Variants in ATP10D observed in about 807,000 individuals in gnomAD.
The protein encoded by ATP10D is phospholipid-transporting ATPase VD.
Under a neutral mutation model 144.8 loss-of-function variants are expected in ATP10D, and 89 were observed. That is an observed-to-expected ratio of 0.61 (90% CI 0.52 to 0.73). The LOEUF is 0.73. Ranked by LOEUF, ATP10D falls within the 30% of genes least tolerant of loss-of-function variation. ATP10D has a pLI of 0.00. For synonymous variants in ATP10D, 571 were observed against 615.1 expected, an observed-to-expected ratio of 0.93 and a Z score of 1.06; for missense variants, 1,603 against 1,714.8, an observed-to-expected ratio of 0.93 and a Z score of 1.15.
intron 15 of ATP10D, among the ~76,000 whole-genome samples, chr4:47,567,260 A>G (rs1244133164): frequency 6.6e-6 from 1 of 152,250 alleles, no homozygotes; most frequent in Non-Finnish European, 1.5e-5. Flanking sequence ...GAATCCACAG[A>G]TAATGAAGAT....
intron 1 of ATP10D, among the ~76,000 whole-genome samples, chr4:47,490,603 A>G (rs1715017646): frequency 6.6e-6 from 1 of 152,212 alleles, no homozygotes; most frequent in Admixed American, 6.5e-5. Flanking sequence ...GGATGGGTTG[A>G]TGATAGGAAT....
intron 12 of ATP10D, 29 bp from the exon 13 acceptor site, chr4:47,558,894 G>A (rs201265155): frequency 1.3e-6 from 2 of 1,539,092 alleles, no homozygotes; most frequent in Admixed American, 1.7e-5. Flanking sequence ...AGACTGGTAG[G>A]AACTCAAGCA....
At position 47,546,838 on chromosome 4, in the gene ATP10D, A is replaced by G; in HGVS notation, c.1611A>G (p.Arg537=). The change falls in exon 10 of 23, where the codon AGA becomes AGG. Residue 537 remains arginine, a synonymous_variant. Transcript: ENST00000273859. ...GEGASEVPHS[R]QAAFSSPIET... ...GAGCCAGTGAAGTGCCTCATTCCAG[A>G]CAGGCTGCTTTCAGTAGCCCCATTG... 6.2e-7 allele frequency: 1 copy of G among 1,612,968 alleles called. No individual in the cohort carries two copies. Among genetic ancestry groups the G allele is most frequent in the Non-Finnish European group, 8.5e-7 (1 of 1,179,916 alleles).
rs1282955975 is a variant in ATP10D at position 47,523,094 on chromosome 4, C to T, written c.568C>T (p.Pro190Ser). 6.2e-7 allele frequency: 1 copy of T among 1,613,602 alleles called. No individual in the cohort carries two copies. Among genetic ancestry groups the T allele is most frequent in the Non-Finnish European group, 8.5e-7 (1 of 1,179,826 alleles). Residue 190 changes from proline (P) to serine (S), a missense_variant, in exon 4 of 23, where the codon CCT (proline) becomes TCT (serine). Transcript: ENST00000273859. Reference sequence around the variant, plus strand: ...TCGCCTCTCCTGCAACGAGGTCATCCCTGCAGACATGGTACTACTCTTTTC... The same window carrying T: ...TCGCCTCTCCTGCAACGAGGTCATCTCTGCAGACATGGTACTACTCTTTTC... ...FIRLSCNEVI[P>S]ADMVLLFSTD...
At chr4:47,528,988 A>G (rs1659199931) in intron 5 of ATP10D, among the ~76,000 whole-genome samples, 1 of 151,626 alleles carries the variant, frequency 6.6e-6, no homozygotes, top group Non-Finnish European at 1.5e-5. Flanking sequence ...TCTTTTGTCT[A>G]CTGTTTTGTA....
At chr4:47,549,473 C>G (rs909825926) in intron 10 of ATP10D, among the ~76,000 whole-genome samples, 3 of 152,216 alleles carry the variant, frequency 2.0e-5, no homozygotes, top group Non-Finnish European at 4.4e-5. Context: ...ATGCACTCCT[C>G]TTACCTTCAG....
chr4:47,558,216 G>T lies in ATP10D; in HGVS notation c.2377G>T (p.Val793Leu), dbSNP rs149814216. Residue 793 changes from valine to leucine, a missense_variant, in exon 12 of 23, where the codon GTG becomes TTG. Coordinates refer to ENST00000273859, the MANE Select transcript of ATP10D (RefSeq NM_020453.4). Reference protein sequence around the residue: ...VRHPLSNQVVVYTKGADSVIM... With the variant: ...VRHPLSNQVVLYTKGADSVIM... The stretch of plus-strand genomic sequence containing the variant: ...ACACCCTCTTTCCAATCAAGTTGTG[G>T]TGTATACGAAAGGCGCTGATTCTGT... 11 of 1,614,092 alleles carry T rather than the reference G, an allele frequency of 6.8e-6. No homozygotes were observed. The African/African-American group carries it at 1.5e-4, about 22-fold the overall frequency.
chr4:47,532,567 T>C (rs1156977539), intron 5 of ATP10D, among the ~76,000 whole-genome samples: 4 of 152,186 alleles, frequency 2.6e-5, no homozygotes, highest in African/African-American at 7.2e-5. Flanking sequence ...TCAGCCTAGG[T>C]AGATACAGTG....
chr4:47,525,855 C>G (rs1717218954), intron 5 of ATP10D, among the ~76,000 whole-genome samples: 1 of 152,222 alleles, frequency 6.6e-6, no homozygotes, highest in African/African-American at 2.4e-5. Context: ...CTGGAGGTAT[C>G]TTGTGGCATC....
In ATP10D at chr4:47,523,132, T is replaced by C. The variant is rs1314942756; in HGVS notation, c.606T>C (p.Asp202=). The change falls in exon 4 of 23, where the codon GAT becomes GAC. Residue 202 remains aspartate, a synonymous_variant. Coordinates refer to ENST00000273859, the MANE Select transcript of ATP10D (RefSeq NM_020453.4). ...TACTACTCTTTTCCACTGATCCAGATGGAATCTGTCACATTGAGACTTCTG... is the reference window on the plus strand; with the variant it reads ...TACTACTCTTTTCCACTGATCCAGACGGAATCTGTCACATTGAGACTTCTG... ...DMVLLFSTDP[D]GICHIETSGL... 6.2e-7 allele frequency: 1 copy of C among 1,614,110 alleles called. No homozygotes were observed. Among genetic ancestry groups the C allele is most frequent in the Non-Finnish European group, 8.5e-7 (1 of 1,180,022 alleles).
chr4:47,574,169 C>G (rs1432030673), intron 18 of ATP10D, among the ~76,000 whole-genome samples: 3 of 152,130 alleles, frequency 2.0e-5, no homozygotes, highest in Non-Finnish European at 4.4e-5. Flanking sequence ...TGGCAATATC[C>G]ATTCACCTCC....
At chr4:47,486,587 T>C (rs1403562534) in intron 1 of ATP10D, among the ~76,000 whole-genome samples, 2 of 152,158 alleles carry the variant, frequency 1.3e-5, no homozygotes, top group Non-Finnish European at 2.9e-5. Flanking sequence ...TGCAACGGAG[T>C]AGTTTGTTCA....
chr4:47,511,748 T>A (rs758133214), intron 1 of ATP10D, among the ~76,000 whole-genome samples: 10 of 152,222 alleles, frequency 6.6e-5, no homozygotes, highest in Non-Finnish European at 7.3e-5. Context: ...AATTTGTGCC[T>A]TCTGGGCACA....
chr4:47,503,564 C>T (rs1280454153), intron 1 of ATP10D, among the ~76,000 whole-genome samples: 2 of 152,126 alleles, frequency 1.3e-5, no homozygotes, highest in East Asian at 1.9e-4. Context: ...ACTTATATAG[C>T]GCTTCCTCCC....
chr4:47,572,752 G>A, intron 17 of ATP10D, 120 bp from the exon 18 acceptor site: 1 of 1,297,204 alleles, frequency 7.7e-7, no homozygotes, highest in Non-Finnish European at 1.1e-6. Context: ...TTCATGTATG[G>A]AACAAATGCG....
At chr4:47,583,682 T>C (rs1720641520) in intron 21 of ATP10D, among the ~76,000 whole-genome samples, 1 of 152,204 alleles carries the variant, frequency 6.6e-6, no homozygotes, top group African/African-American at 2.4e-5. Flanking sequence ...TTTATTAGTG[T>C]GCCAGAGGAT....
At chr4:47,552,905 C>G (rs1718795635) in intron 10 of ATP10D, among the ~76,000 whole-genome samples, 1 of 152,168 alleles carries the variant, frequency 6.6e-6, no homozygotes, top group African/African-American at 2.4e-5. Flanking sequence ...TCCTAATACC[C>G]ATTAAACTCT....
At chr4:47,490,878 G>C in intron 1 of ATP10D, 1 of 387,652 alleles carries the variant, frequency 2.6e-6, no homozygotes. Context: ...CAGATGAGTC[G>C]TCCTTCCTTT....
intron 1 of ATP10D, among the ~76,000 whole-genome samples, chr4:47,489,235 C>T (rs1714946713): frequency 6.6e-6 from 1 of 152,150 alleles, no homozygotes; most frequent in South Asian, 2.1e-4. Context: ...ACCACATTTT[C>T]ACACATCACA....
Sources: allele counts gnomAD v4.1 joint callset (sites outside exome capture counted in the v4.1 genomes callset), GRCh38; gene constraint gnomAD v4.1.1; transcripts MANE v1.5; gene names NCBI Gene and HGNC (gene_info 2026-07-23, HGNC 2026-07-21).